OLFM3: variants seen among roughly 807,000 people sequenced by gnomAD.
OLFM3 encodes the protein noelin-3.
Under a neutral mutation model 48.6 loss-of-function variants are expected in OLFM3, and 20 were observed. The ratio of observed to expected loss-of-function variants is 0.41; its 90% CI spans 0.29 to 0.60. The LOEUF (loss-of-function observed/expected upper bound fraction) is 0.60. Among genes scored for constraint, OLFM3 ranks in the 20% least tolerant of loss-of-function variants. The pLI is 0.28. For synonymous variants in OLFM3, 222 were observed against 198.1 expected, an observed-to-expected ratio of 1.12 and a Z score of -1.01; for missense variants, 437 against 544.3, an observed-to-expected ratio of 0.80 and a Z score of 1.96.
chr1:101,988,995 T>C (rs182104592), intron 1 of OLFM3, among the ~76,000 whole-genome samples: 7 of 152,124 alleles, frequency 4.6e-5, no homozygotes, highest in Non-Finnish European at 8.8e-5. Flanking sequence ...TAGCTAAAGA[T>C]ACAAATATAA....
At chr1:101,807,311 T>C (rs758708907) in intron 4 of OLFM3, among the ~76,000 whole-genome samples, 8 of 151,786 alleles carry the variant, frequency 5.3e-5, no homozygotes, top group South Asian at 2.1e-4. Flanking sequence ...GGTTTTGGTC[T>C]AAACAAAAGT....
intron 1 of OLFM3, among the ~76,000 whole-genome samples, chr1:101,848,572 C>T (rs1570559628): frequency 1.3e-5 from 2 of 151,766 alleles, no homozygotes; most frequent in Admixed American, 6.6e-5. Context: ...CCACAGTGCC[C>T]ACAAAACCAA....
rs530154242 is a variant in OLFM3, at chr1:101,848,678, G to A, written c.70-11653C>T. On this transcript the variant is annotated intron_variant, in intron 1 of 5. Coordinates refer to ENST00000370103, the MANE Select transcript of OLFM3 (RefSeq NM_058170.4). Reference sequence around the variant, plus strand: ...TATTAAACTTAGCAGAAAGCCCTGTGAAATTTTACATTAGTATTACAATGT... The same window carrying A: ...TATTAAACTTAGCAGAAAGCCCTGTAAAATTTTACATTAGTATTACAATGT... Among the ~76,000 whole-genome samples the A allele has an allele frequency of 2.9e-4, 44 of 152,166 alleles. 1 individual carries two copies. The South Asian group carries it at 9.1e-3, about 32-fold the overall frequency.
chr1:101,830,521 G>C (rs1208555289), intron 3 of OLFM3, 151 bp downstream of exon 3: 4 of 793,988 alleles, frequency 5.0e-6, no homozygotes, highest in Non-Finnish European at 8.3e-6. Flanking sequence ...CTAATGGTCA[G>C]TTTCAGTGGA....
intron 4 of OLFM3, among the ~76,000 whole-genome samples, chr1:101,817,746 A>C (rs1036101863): frequency 3.9e-5 from 6 of 152,064 alleles, no homozygotes; most frequent in Non-Finnish European, 7.4e-5. Flanking sequence ...ACAGAATGTT[A>C]TTTCTTTTTA....
At chr1:101,830,974 A>T in intron 2 of OLFM3, 147 bp from the exon 3 acceptor site, 1 of 637,574 alleles carries the variant, frequency 1.6e-6, no homozygotes, top group East Asian at 2.8e-5. Context: ...CAGAAGAACA[A>T]TTCTTCATTA....
intron 1 of OLFM3, among the ~76,000 whole-genome samples, chr1:101,905,222 T>C (rs770853059): frequency 2.6e-4 from 40 of 152,164 alleles, no homozygotes; most frequent in Non-Finnish European, 4.4e-4. Flanking sequence ...AAAACTCTAA[T>C]GTAACTGTGC....
intron 1 of OLFM3, among the ~76,000 whole-genome samples, chr1:101,859,152 A>G (rs1656547184): frequency 6.6e-6 from 1 of 152,080 alleles, no homozygotes; most frequent in African/African-American, 2.4e-5. Context: ...ATAGAGTTGG[A>G]AAGGTAGCAG....
At chr1:101,965,044 C>A (rs968474752) in intron 1 of OLFM3, among the ~76,000 whole-genome samples, 1 of 152,108 alleles carries the variant, frequency 6.6e-6, no homozygotes, top group African/African-American at 2.4e-5. Flanking sequence ...CCTCTTTAAA[C>A]TGTGATGAAG....
At chr1:101,878,023 C>T (rs948184808) in intron 1 of OLFM3, among the ~76,000 whole-genome samples, 8 of 151,704 alleles carry the variant, frequency 5.3e-5, no homozygotes, top group Admixed American at 3.3e-4. Context: ...GGAGCATACT[C>T]TTGAGGCACA....
chr1:101,968,114 C>A (rs1460703312), intron 1 of OLFM3, among the ~76,000 whole-genome samples: 1 of 152,168 alleles, frequency 6.6e-6, no homozygotes, highest in Admixed American at 6.5e-5. Flanking sequence ...GAGTGGCTTA[C>A]CATTCTGCCT....
chr1:101,910,042 C>T (rs2101027104), intron 1 of OLFM3: 1 of 985,328 alleles, frequency 1.0e-6, no homozygotes, highest in East Asian at 1.1e-4. Context: ...TCACCTTTCC[C>T]CTCCATTCTC....
chr1:101,930,758 T>A (rs765260918), intron 1 of OLFM3, among the ~76,000 whole-genome samples: 5 of 152,214 alleles, frequency 3.3e-5, no homozygotes, highest in Non-Finnish European at 7.3e-5. Context: ...ATCTTTCCTT[T>A]GCAGATGAGA....
At chr1:101,892,364 C>T (rs573477306) in intron 1 of OLFM3, among the ~76,000 whole-genome samples, 19 of 151,834 alleles carry the variant, frequency 1.3e-4, no homozygotes, top group Non-Finnish European at 2.4e-4. Context: ...ATTTAAGCTT[C>T]TATACAAAGA....
chr1:101,802,816 C>G lies in OLFM3; in HGVS notation c.*1422G>C, dbSNP rs1166285851. 1.3e-5 allele frequency: 2 copies of G among 151,366 alleles called. No homozygotes were observed. Among genetic ancestry groups the G allele is most frequent in the Non-Finnish European group, 3.0e-5 (2 of 67,636 alleles). The allele number at this position is 151,366 out of a possible 1,614,324, so 9.4% of individuals were successfully genotyped here. ...AGAATATACTTTTTAAATTGTAAAA[C>G]CAACCTATATTAGTTTCCATAAAGC... On this transcript the variant is annotated 3_prime_UTR_variant, in exon 6 of 6. Coordinates refer to ENST00000370103, the MANE Select transcript of OLFM3 (RefSeq NM_058170.4).
chr1:101,835,685 C>T (rs1330314486), intron 2 of OLFM3, among the ~76,000 whole-genome samples: 1 of 152,102 alleles, frequency 6.6e-6, no homozygotes, highest in African/African-American at 2.4e-5. Context: ...GACATATGCT[C>T]TTGTTGGATG....
At chr1:101,891,938 A>G (rs765410750) in intron 1 of OLFM3, among the ~76,000 whole-genome samples, 6 of 152,044 alleles carry the variant, frequency 3.9e-5, no homozygotes, top group Admixed American at 6.6e-5. Context: ...TTTACCTAAT[A>G]CTTAGTTCTC....
Position 101,819,439 on chromosome 1 carries a change from T to G in OLFM3, c.592+5587A>C, listed in dbSNP as rs564013776. Reference sequence around the variant, plus strand: ...AAAGATCACACTAAATATTTTTTAGTGATGGAGAGCCAAAACAAATGATCA... The same window carrying G: ...AAAGATCACACTAAATATTTTTTAGGGATGGAGAGCCAAAACAAATGATCA... On this transcript the variant is annotated intron_variant, in intron 4 of 5. Coordinates refer to ENST00000370103, the MANE Select transcript of OLFM3 (RefSeq NM_058170.4). Among the ~76,000 whole-genome samples the G allele has an allele frequency of 1.4e-4, 22 of 152,132 alleles. No individual in the cohort carries two copies. In the East Asian group the frequency reaches 3.3e-3, roughly 23 times the overall value.
At chr1:101,973,155 T>C (rs1660856184) in intron 1 of OLFM3, among the ~76,000 whole-genome samples, 1 of 152,212 alleles carries the variant, frequency 6.6e-6, no homozygotes, top group Non-Finnish European at 1.5e-5. Flanking sequence ...CTGGCTCATA[T>C]AATTATAGAA....
Sources: gnomAD v4.1 joint callset for allele counts (sites outside exome capture counted in the v4.1 genomes callset) on GRCh38, gnomAD v4.1.1 for gene constraint, MANE v1.5 for transcripts, NCBI Gene and HGNC (gene_info 2026-07-23, HGNC 2026-07-21) for gene names.